The following TOP1 variants were observed in gnomAD, a reference collection of about 807,000 sequenced individuals.
TOP1 encodes DNA topoisomerase 1.
TOP1 carries 10 observed loss-of-function variants against 111.1 expected under a neutral mutation model. That is an observed-to-expected ratio of 0.09 (90% CI 0.06 to 0.15). The LOEUF (loss-of-function observed/expected upper bound fraction) is 0.15. TOP1 is among the 10% of genes least tolerant of loss of function. The pLI, the probability that TOP1 is intolerant of heterozygous loss-of-function variation, is 1.00. For missense variants in TOP1, 474 were observed against 926.7 expected (o/e 0.51, Z 6.34); for synonymous variants, 271 against 302.9 (o/e 0.89, Z 1.10).
intron 2 of TOP1, among the ~76,000 whole-genome samples, chr20:41,053,206 A>G (rs1164360532): frequency 6.6e-6 from 1 of 152,124 alleles, no homozygotes; most frequent in African/African-American, 2.4e-5. Context: ...TTCTTGCTGC[A>G]GCGTAGCACA....
intron 7 of TOP1, among the ~76,000 whole-genome samples, chr20:41,081,710 C>A (rs184511684): frequency 7.2e-5 from 11 of 152,274 alleles, no homozygotes; most frequent in Non-Finnish European, 4.4e-5. Context: ...CAGCTCCTCC[C>A]AATCTGGCCC....
intron 2 of TOP1, among the ~76,000 whole-genome samples, chr20:41,041,657 A>G (rs1436651558): frequency 6.6e-6 from 1 of 152,100 alleles, no homozygotes; most frequent in Non-Finnish European, 1.5e-5. Context: ...GTGAAAATAC[A>G]TATTCCTACT....
At chr20:41,054,890 A>C (rs373178704) in intron 2 of TOP1, among the ~76,000 whole-genome samples, 1 of 152,154 alleles carries the variant, frequency 6.6e-6, no homozygotes, top group Non-Finnish European at 1.5e-5. Flanking sequence ...CCTAACATCT[A>C]TTCCTACAGT....
rs1021862426 is a variant in TOP1 at position 41,080,348 on chromosome 20, T to G, written c.431+168T>G. On this transcript the variant is annotated intron_variant, in intron 6 of 20. Transcript: ENST00000361337. The surrounding 1 kb of genome is among the most constrained non-coding windows in gnomAD (Gnocchi z 5.0). ...TTCTCTGAACTATGAGAAGTAGAGT[T>G]TGCTAAACAAGTAGTATACCCAAGG... 2.6e-5 allele frequency among the ~76,000 whole-genome samples: 4 copies of G among 152,216 alleles called. No individual in the cohort carries two copies. Among genetic ancestry groups the G allele is most frequent in the African/African-American group, 4.8e-5 (2 of 41,458 alleles).
In TOP1 at chr20:41,102,697, G is replaced by A. The variant is rs930210012; in HGVS notation, c.1308+1344G>A. Among the ~76,000 whole-genome samples the A allele has an allele frequency of 1.3e-5, 2 of 152,178 alleles. No individual in the cohort carries two copies. The highest frequency in any genetic ancestry group is 4.8e-5 in the African/African-American group (2 of 41,436). On this transcript the variant is annotated intron_variant, in intron 13 of 20. Coordinates refer to ENST00000361337, the MANE Select transcript of TOP1 (RefSeq NM_003286.4). This position sits in a 1 kb window ranked among gnomAD's most constrained non-coding sequence, Gnocchi z 4.0. ...AAATCAGAAAGCGAACACTTATGTT[G>A]AGCAGACTAGTCATTTAAAGAAACA... is the stretch of plus-strand genomic sequence containing the variant.
rs2033550979 is a variant in TOP1, at chr20:41,061,990, T to C, written c.155+500T>C. ...ACTATTTGTAGCTTTCATCATGTTA[T>C]CAGAGGAGTTCGGCTCCCACAAAAG... On this transcript the variant is annotated intron_variant, in intron 3 of 20. Coordinates refer to ENST00000361337, the MANE Select transcript of TOP1 (RefSeq NM_003286.4). The surrounding 1 kb of genome is among the most constrained non-coding windows in gnomAD (Gnocchi z 4.6). Among the ~76,000 whole-genome samples, 1 of 152,226 alleles carries C rather than the reference T, an allele frequency of 6.6e-6. No individual in the cohort carries two copies. Among genetic ancestry groups the C allele is most frequent in the Admixed American group, 6.5e-5 (1 of 15,282 alleles).
Position 41,084,155 on chromosome 20 carries a change from C to G in TOP1, c.508-307C>G, listed in dbSNP as rs1191904816. Reference sequence around the variant, plus strand: ...GTGAGGAAAATACACTCGGATTACTCTCTAGAGCAGTACTTTTCCAAACTC... The same window carrying G: ...GTGAGGAAAATACACTCGGATTACTGTCTAGAGCAGTACTTTTCCAAACTC... On this transcript the variant is annotated intron_variant, in intron 7 of 20. Coordinates refer to ENST00000361337, the MANE Select transcript of TOP1 (RefSeq NM_003286.4). 2.8e-4 allele frequency among the ~76,000 whole-genome samples: 42 copies of G among 151,990 alleles called. 1 individual carries two copies. Among genetic ancestry groups the G allele is most frequent in the Admixed American group, 2.8e-3 (42 of 15,270 alleles).
Position 41,073,283 on chromosome 20 carries a change from G to A in TOP1, c.156-2888G>A, listed in dbSNP as rs6016510. ...AAATGCTTTCACTGAGAAAGAGAAC[G>A]GGTCAGGGGAAGGTGGAACTTAAAG... On this transcript the variant is annotated intron_variant, in intron 3 of 20. Coordinates refer to ENST00000361337, the MANE Select transcript of TOP1 (RefSeq NM_003286.4). The A allele has an allele frequency of 2.9e-3, 2,899 of 984,954 alleles. 51 individuals are homozygous for A. The African/African-American group carries it at 0.047, about 16-fold the overall frequency. The allele number at this position is 984,954 out of a possible 1,614,324, so 61.0% of individuals were successfully genotyped here.
chr20:41,046,261 C>T lies in TOP1; in HGVS notation c.59-15133C>T, dbSNP rs574090164. Among the ~76,000 whole-genome samples, 1 of 152,290 alleles carries T rather than the reference C, an allele frequency of 6.6e-6. No homozygotes were observed. Among genetic ancestry groups the T allele is most frequent in the Non-Finnish European group, 1.5e-5 (1 of 68,028 alleles). On this transcript the variant is annotated intron_variant, in intron 2 of 20. Transcript: ENST00000361337. This position sits in a 1 kb window ranked among gnomAD's most constrained non-coding sequence, Gnocchi z 4.3. ...CAGTAATGTTCACTGGGCCAGTTTA[C>T]TTTTGAAGAAATTGAATCTCACGGT...
intron 2 of TOP1, among the ~76,000 whole-genome samples, chr20:41,054,137 C>T (rs2033439448): frequency 6.6e-6 from 1 of 152,118 alleles, no homozygotes; most frequent in African/African-American, 2.4e-5. Flanking sequence ...TTGGCTGTGT[C>T]CCCACCCAAA....
Position 41,029,808 on chromosome 20 carries a change from C to CTG in TOP1, c.58+357_58+358dup. The CTG allele has an allele frequency of 5.7e-6, 2 of 349,920 alleles. No individual in the cohort carries two copies. Among genetic ancestry groups the CTG allele is most frequent in the South Asian group, 6.3e-5 (2 of 31,642 alleles). 21.7% of individuals were successfully genotyped at this position (349,920 alleles called of 1,614,324 possible). ...TTTCTCTCTCCTCTCCTTTCTGTGCCTGTGTCTCTTTCTCTCCCTCCCTCG... is the reference window on the plus strand; with the variant it reads ...TTTCTCTCTCCTCTCCTTTCTGTGCCTGTGTGTCTCTTTCTCTCCCTCCCTCG... On this transcript the variant is annotated intron_variant, in intron 2 of 20. Coordinates refer to ENST00000361337, the MANE Select transcript of TOP1 (RefSeq NM_003286.4). The surrounding 1 kb of genome is among the most constrained non-coding windows in gnomAD (Gnocchi z 6.1).
chr20:41,117,674 C>T (rs796821486), intron 17 of TOP1, among the ~76,000 whole-genome samples: 80 of 152,044 alleles, frequency 5.3e-4, no homozygotes, highest in African/African-American at 1.9e-3. Context: ...TGTGAGCCAC[C>T]GCGCCCGGCC....
intron 9 of TOP1, among the ~76,000 whole-genome samples, chr20:41,096,504 A>G (rs1401432813): frequency 6.6e-6 from 1 of 152,182 alleles, no homozygotes; most frequent in African/African-American, 2.4e-5. Context: ...CGCAAACTCT[A>G]GTGTGCATCC....
rs2033165995 is a variant in TOP1, at chr20:41,034,938, G to A, written c.58+5483G>A. Among the ~76,000 whole-genome samples, 1 of 152,136 alleles carries A rather than the reference G, an allele frequency of 6.6e-6. No individual in the cohort carries two copies. Among genetic ancestry groups the A allele is most frequent in the Admixed American group, 6.5e-5 (1 of 15,284 alleles). ...AGGGTTTCTGTTTGTTGCCCGGGCT[G>A]GAGCGCAGTAGTGTGATTGCAGCTC... is the stretch of plus-strand genomic sequence containing the variant. On this transcript the variant is annotated intron_variant, in intron 2 of 20. Transcript: ENST00000361337. This position sits in a 1 kb window ranked among gnomAD's most constrained non-coding sequence, Gnocchi z 4.0.
intron 14 of TOP1, among the ~76,000 whole-genome samples, chr20:41,113,544 A>G (rs2034276193): frequency 6.6e-6 from 1 of 152,174 alleles, no homozygotes; most frequent in East Asian, 1.9e-4. Flanking sequence ...GGCTTCAAAC[A>G]GAATTGGGAG....
In TOP1 at chr20:41,110,200, G is replaced by A. The variant is rs548237611; in HGVS notation, c.1309-2582G>A. Among the ~76,000 whole-genome samples, 15 of 152,216 alleles carry A rather than the reference G, an allele frequency of 9.9e-5. No homozygotes were observed. In the East Asian group the frequency reaches 2.7e-3, roughly 27 times the overall value. On this transcript the variant is annotated intron_variant, in intron 13 of 20. Transcript: ENST00000361337. This position sits in a 1 kb window ranked among gnomAD's most constrained non-coding sequence, Gnocchi z 4.2. ...TTCAGGAGGCTGAGACATGGGAATC[G>A]CTTGAACCTGAGGGGTAGAGGTTGC...
At position 41,123,698 on chromosome 20, in the gene TOP1, A is replaced by G. The variant is rs3180630; in HGVS notation, c.*401A>G. Reference sequence around the variant, plus strand: ...CAGTTAGGGTTTTGCAATAACTTCTATATTTTAATAGAAATAAATTCCTAA... The same window carrying G: ...CAGTTAGGGTTTTGCAATAACTTCTGTATTTTAATAGAAATAAATTCCTAA... On this transcript the variant is annotated 3_prime_UTR_variant, in exon 21 of 21. Coordinates refer to ENST00000361337, the MANE Select transcript of TOP1 (RefSeq NM_003286.4). This position sits in a 1 kb window ranked among gnomAD's most constrained non-coding sequence, Gnocchi z 5.8. 13 of 233,978 alleles carry G rather than the reference A, an allele frequency of 5.6e-5. No homozygotes were observed. The Admixed American group carries it at 6.2e-4, about 11-fold the overall frequency. 14.5% of individuals were successfully genotyped at this position (233,978 alleles called of 1,614,324 possible). A position where few individuals can be genotyped will look rare whatever the true frequency, so the allele number is the denominator to read the frequency against.
In TOP1 at chr20:41,123,172, C is replaced by G. The variant is rs943747956; in HGVS notation, c.2196-23C>G. On this transcript the variant is annotated intron_variant, in intron 20 of 20. Coordinates refer to ENST00000361337, the MANE Select transcript of TOP1 (RefSeq NM_003286.4). The surrounding 1 kb of genome is among the most constrained non-coding windows in gnomAD (Gnocchi z 5.8). ...CATTGCTGAGTCACCCTAATCCCCC[C>G]CTTATTTCTCCTTTGTTTGCAGGTG... is the stretch of plus-strand genomic sequence containing the variant. 6.4e-7 allele frequency: 1 copy of G among 1,568,006 alleles called. No homozygotes were observed. Among genetic ancestry groups the G allele is most frequent in the Non-Finnish European group, 8.8e-7 (1 of 1,138,326 alleles).
At chr20:41,037,018 T>C (rs973144793) in intron 2 of TOP1, among the ~76,000 whole-genome samples, 2 of 151,866 alleles carry the variant, frequency 1.3e-5, no homozygotes, top group Non-Finnish European at 2.9e-5. Flanking sequence ...TTTTAGTAGA[T>C]ACAGGGTTTC....
Sources: gnomAD v4.1 joint callset for allele counts (sites outside exome capture counted in the v4.1 genomes callset) on GRCh38, gnomAD v4.1.1 for gene constraint, Gnocchi (gnomAD v3.1) non-coding constraint, MANE v1.5 for transcripts, NCBI Gene and HGNC (gene_info 2026-07-23, HGNC 2026-07-21) for gene names.